Variants in MYH14 observed in about 807,000 individuals in gnomAD.
The protein encoded by MYH14 is myosin-14.
MYH14 carries 123 observed loss-of-function variants against 255.5 expected under a neutral mutation model. The ratio of observed to expected loss-of-function variants is 0.48; its 90% CI spans 0.42 to 0.56. The LOEUF (loss-of-function observed/expected upper bound fraction) is 0.56, where lower values mean the gene tolerates loss of function less well. Ranked by LOEUF, MYH14 falls within the 20% of genes least tolerant of loss-of-function variation. The probability of loss-of-function intolerance (pLI) is 0.00; values close to 1 mark genes in which losing one functional copy is unlikely to be tolerated. For missense variants in MYH14, 2,423 were observed against 2,802.3 expected (o/e 0.86, Z 3.06); for synonymous variants, 1,095 against 1,161.2 (o/e 0.94, Z 1.16).
rs1324467120 is a variant in MYH14 at position 50,278,245 on chromosome 19, G to A, written c.3988G>A (p.Glu1330Lys). 6.3e-7 allele frequency: 1 copy of A among 1,591,114 alleles called. No individual in the cohort carries two copies. The highest frequency in any genetic ancestry group is 2.3e-5 in the East Asian group (1 of 43,890). ...QEVQGRAGDG[E>K]RARAEAAEKL... ...GGTGCAGGGCCGGGCTGGTGATGGG[G>A]AGAGGGCACGAGCGGAGGCTGCTGA... Residue 1330 changes from glutamate to lysine, a missense_variant, in exon 30 of 43, where the codon GAG (glutamate) becomes AAG (lysine). Transcript: ENST00000642316.
At chr19:50,241,489 C>T (rs370346997) in intron 10 of MYH14, among the ~76,000 whole-genome samples, 14 of 152,124 alleles carry the variant, frequency 9.2e-5, no homozygotes, top group Admixed American at 9.2e-4. Context: ...GCCTCACCTG[C>T]TGTCCCCTTG....
intron 39 of MYH14, among the ~76,000 whole-genome samples, chr19:50,300,900 G>A (rs975074327): frequency 6.6e-6 from 1 of 151,730 alleles, no homozygotes; most frequent in Non-Finnish European, 1.5e-5. Context: ...CAACGGCTGT[G>A]CTCCAGCCTG....
At chr19:50,238,190 G>C (rs1018054195) in intron 10 of MYH14, among the ~76,000 whole-genome samples, 1 of 152,212 alleles carries the variant, frequency 6.6e-6, no homozygotes, top group African/African-American at 2.4e-5. Flanking sequence ...GCATCCGCAG[G>C]CTGGGCTTGC....
intron 21 of MYH14, among the ~76,000 whole-genome samples, chr19:50,263,056 C>A (rs1036730950): frequency 6.6e-6 from 1 of 151,968 alleles, no homozygotes; most frequent in African/African-American, 2.4e-5. Flanking sequence ...AAAAATTAGC[C>A]GAGTGTTGTG....
chr19:50,229,705 C>T (rs1229546934), intron 8 of MYH14, among the ~76,000 whole-genome samples: 1 of 152,114 alleles, frequency 6.6e-6, no homozygotes, highest in African/African-American at 2.4e-5. Flanking sequence ...GTAAGTTTGA[C>T]ACGTGACTTT....
At position 50,289,498 on chromosome 19, in the gene MYH14, G is replaced by A. The variant is rs762607266; in HGVS notation, c.4815G>A (p.Gln1605=). ...AEQAANDLRA[Q]VTELEDELTA... ...AGGCAGCCAATGATCTGCGAGCACA[G>A]GTGACAGAACTGGAGGATGAGCTGA... Residue 1605 remains glutamine (Q), a synonymous_variant, in exon 35 of 43, where the codon CAG becomes CAA. Coordinates refer to ENST00000642316, the MANE Select transcript of MYH14 (RefSeq NM_001145809.2). 6.2e-7 allele frequency: 1 copy of A among 1,613,202 alleles called. No homozygotes were observed. The highest frequency in any genetic ancestry group is 8.5e-7 in the Non-Finnish European group (1 of 1,179,672).
At position 50,222,479 on chromosome 19, in the gene MYH14, CAAAAAAAA is replaced by C. The variant is rs542179852; in HGVS notation, c.563-590_563-583del. On this transcript the variant is annotated intron_variant, in intron 3 of 42. Coordinates refer to ENST00000642316, the MANE Select transcript of MYH14 (RefSeq NM_001145809.2). ...TGGGCGACAGAGCAAGACTCCGTCTCAAAAAAAAAAAAAAAAAAAAAGAACCACTGCTT... is the reference window on the plus strand; with the variant it reads ...TGGGCGACAGAGCAAGACTCCGTCTCAAAAAAAAAAAAAGAACCACTGCTT... Among the ~76,000 whole-genome samples, 8 of 69,862 alleles carry C rather than the reference CAAAAAAAA, an allele frequency of 1.1e-4. No homozygotes were observed. The East Asian group carries it at 3.7e-3, about 32-fold the overall frequency. The allele number at this position is 69,862 out of a possible 152,430, so 45.8% of individuals were successfully genotyped here.
chr19:50,244,140 T>C (rs1734133432), intron 10 of MYH14, 102 bp from the exon 11 acceptor site: 2 of 916,508 alleles, frequency 2.2e-6, no homozygotes, highest in African/African-American at 1.6e-5. Context: ...GGGGTGGTGA[T>C]ATAATTTGCC....
At chr19:50,251,722 C>T (rs1338904001) in intron 15 of MYH14, among the ~76,000 whole-genome samples, 1 of 152,042 alleles carries the variant, frequency 6.6e-6, no homozygotes, top group African/African-American at 2.4e-5. Flanking sequence ...GGATTACAGG[C>T]ACCTGCCACC....
At position 50,217,770 on chromosome 19, in the gene MYH14, G is replaced by T. The variant is rs1355918624; in HGVS notation, c.561G>T (p.Gln187His). 6.2e-7 allele frequency: 1 copy of T among 1,613,302 alleles called. No individual in the cohort carries two copies. Among genetic ancestry groups the T allele is most frequent in the Non-Finnish European group, 8.5e-7 (1 of 1,179,744 alleles). ...VTEGAYRSML[Q>H]DREDQSILCT... ...AGGGGGCCTATCGGAGCATGCTGCAGGGTGAGTGCTGGGTGGGGCTGTAGG... is the reference window on the plus strand; with the variant it reads ...AGGGGGCCTATCGGAGCATGCTGCATGGTGAGTGCTGGGTGGGGCTGTAGG... Residue 187 changes from glutamine to histidine, a missense_variant and splice_region_variant, in exon 3 of 43, where the codon CAG becomes CAT. Coordinates refer to ENST00000642316, the MANE Select transcript of MYH14 (RefSeq NM_001145809.2).
chr19:50,231,641 A>G lies in MYH14; in HGVS notation c.974-289A>G, dbSNP rs112665151. ...GGTGGGAGGATTGCTTGAGCCCAGGAGTTTGAGGCTGTGGTGAGCCATGAT... is the reference window on the plus strand; with the variant it reads ...GGTGGGAGGATTGCTTGAGCCCAGGGGTTTGAGGCTGTGGTGAGCCATGAT... On this transcript the variant is annotated intron_variant, in intron 9 of 42. Coordinates refer to ENST00000642316, the MANE Select transcript of MYH14 (RefSeq NM_001145809.2). Among the ~76,000 whole-genome samples, 633 of 152,022 alleles carry G rather than the reference A, an allele frequency of 4.2e-3. 4 individuals carry two copies. The highest frequency in any genetic ancestry group is 0.02 in the Middle Eastern group (6 of 294).
At position 50,276,037 on chromosome 19, in the gene MYH14, C is replaced by T. The variant is rs373919106; in HGVS notation, c.3514C>T (p.Arg1172Trp). Residue 1172 changes from arginine to tryptophan, a missense_variant, in exon 28 of 43, where the codon CGG becomes TGG. This residue lies in a region of MYH14 where 1,513 missense variants were observed against 1,674.8 expected (regional missense o/e 0.90). Transcript: ENST00000642316. This position sits in a 1 kb window ranked among gnomAD's most constrained non-coding sequence, Gnocchi z 4.3. ...GARAQLLKSL[R>W]EAQAALAEAQ... ...CCGGGCCCAGCTGCTGAAATCCCTG[C>T]GGGAGGCTCAAGCAGCCCTGGCCGA... 8 of 1,612,744 alleles carry T rather than the reference C, an allele frequency of 5.0e-6. No individual in the cohort carries two copies. Among genetic ancestry groups the T allele is most frequent in the South Asian group, 1.1e-5 (1 of 90,878 alleles).
intron 6 of MYH14, 40 bp from the exon 7 acceptor site, chr19:50,225,545 A>G (rs1218607138): frequency 6.4e-7 from 1 of 1,564,746 alleles, no homozygotes; most frequent in South Asian, 1.1e-5. Flanking sequence ...CTCCTGCCCC[A>G]TTCTCACTGA....
rs566623237 is a variant in MYH14 at position 50,230,858 on chromosome 19, C to T, written c.973+235C>T. On this transcript the variant is annotated intron_variant, in intron 9 of 42. Transcript: ENST00000642316. This position sits in a 1 kb window ranked among gnomAD's most constrained non-coding sequence, Gnocchi z 4.7. The stretch of plus-strand genomic sequence containing the variant: ...CGGGTCTGGCTCGCGCCCGCTGTCA[C>T]GGCCACGCAGCCCCCGCCGCCTGGT... 4.1e-5 allele frequency: 21 copies of T among 512,110 alleles called. No homozygotes were observed. Among genetic ancestry groups the T allele is most frequent in the African/African-American group, 3.9e-4 (20 of 51,942 alleles). 31.7% of individuals were successfully genotyped at this position (512,110 alleles called of 1,614,324 possible).
chr19:50,255,158 C>T, intron 16 of MYH14, 62 bp from the exon 17 acceptor site: 2 of 1,088,106 alleles, frequency 1.8e-6, no homozygotes, highest in Non-Finnish European at 2.8e-6. Context: ...TCATGCATCT[C>T]TCTCCGCCAT....
At chr19:50,271,728 C>A in intron 25 of MYH14, 121 bp from the exon 26 acceptor site, 2 of 1,496,998 alleles carry the variant, frequency 1.3e-6, no homozygotes, top group South Asian at 1.3e-5. Context: ...GGAGGAAGGT[C>A]AGAGAAGGGT....
At chr19:50,224,119 C>T in intron 5 of MYH14, 35 bp from the exon 6 acceptor site, 2 of 1,505,000 alleles carry the variant, frequency 1.3e-6, no homozygotes, top group Non-Finnish European at 1.8e-6. Flanking sequence ...TGTGCTGTGT[C>T]CTGGTCCGTG....
In MYH14 at chr19:50,293,738, C is replaced by G; in HGVS notation, c.5469+51C>G. On this transcript the variant is annotated intron_variant, in intron 39 of 42. Transcript: ENST00000642316. The surrounding 1 kb of genome is among the most constrained non-coding windows in gnomAD (Gnocchi z 4.1). ...AGCCTCAGTCCCCATTGACCTGGGA[C>G]CGTAACCTTCAGTCCTCTTATTCAA... 6.6e-7 allele frequency: 1 copy of G among 1,504,376 alleles called. No individual in the cohort carries two copies. The highest frequency in any genetic ancestry group is 8.9e-7 in the Non-Finnish European group (1 of 1,124,870). 93.2% of individuals were successfully genotyped at this position (1,504,376 alleles called of 1,614,324 possible).
chr19:50,278,266 G>A lies in MYH14; in HGVS notation c.4009G>A (p.Ala1337Thr), dbSNP rs1035159757. The A allele has an allele frequency of 1.1e-5, 17 of 1,566,712 alleles. No individual in the cohort carries two copies. The highest frequency in any genetic ancestry group is 1.4e-5 in the Non-Finnish European group (16 of 1,155,368). Residue 1337 changes from alanine (A) to threonine (T), a missense_variant, in exon 30 of 43, where the codon GCT becomes ACT. This residue lies in a region of MYH14 where 1,513 missense variants were observed against 1,674.8 expected (regional missense o/e 0.90). Coordinates refer to ENST00000642316, the MANE Select transcript of MYH14 (RefSeq NM_001145809.2). ...TGGGGAGAGGGCACGAGCGGAGGCT[G>A]CTGAGAAGCTGCAGCGAGCCCAGGT... ...GDGERARAEA[A>T]EKLQRAQAEL...
Sources: allele counts gnomAD v4.1 joint callset (sites outside exome capture counted in the v4.1 genomes callset), GRCh38; gene constraint gnomAD v4.1.1; regional missense constraint gnomAD v4.1.1; non-coding constraint Gnocchi (gnomAD v3.1); transcripts MANE v1.5; gene names NCBI Gene and HGNC (gene_info 2026-07-23, HGNC 2026-07-21).